The following THBS4 variants were observed in gnomAD, a reference collection of about 807,000 sequenced individuals.
THBS4 encodes the protein thrombospondin 4.
A neutral mutation model predicts 115.7 loss-of-function variants in THBS4; 90 were observed. The ratio of observed to expected loss-of-function variants is 0.78; its 90% CI spans 0.66 to 0.93. The LOEUF (loss-of-function observed/expected upper bound fraction) is 0.93. Among genes scored for constraint, THBS4 ranks in the 40% least tolerant of loss-of-function variants. The probability of loss-of-function intolerance (pLI) is 0.00; values close to 1 mark genes in which losing one functional copy is unlikely to be tolerated. For synonymous variants in THBS4, 460 were observed against 479.3 expected (o/e 0.96, Z 0.53); for missense variants, 1,087 against 1,232.7 (o/e 0.88, Z 1.77).
chr5:80,072,622 G>A (rs1173100093), intron 14 of THBS4: 2 of 531,128 alleles, frequency 3.8e-6, no homozygotes, highest in East Asian at 2.9e-5. Flanking sequence ...TTGCCTGTGA[G>A]GTTAGTAACA....
intron 2 of THBS4, among the ~76,000 whole-genome samples, chr5:80,007,178 C>T (rs775093231): frequency 1.3e-5 from 2 of 152,174 alleles, no homozygotes; most frequent in Non-Finnish European, 2.9e-5. Flanking sequence ...AGCCCATAAA[C>T]GTGCAGACCC....
intron 2 of THBS4, among the ~76,000 whole-genome samples, chr5:80,009,610 C>A (rs1832081913): frequency 6.6e-6 from 1 of 151,406 alleles, no homozygotes; most frequent in East Asian, 1.9e-4. Flanking sequence ...TTTGTGATTG[C>A]CAGATTGGAG....
Position 80,080,092 on chromosome 5 carries a change from C to CATCT in THBS4, c.2684+16_2684+19dup. The CATCT allele has an allele frequency of 1.2e-6, 2 of 1,610,340 alleles. No homozygotes were observed. The highest frequency in any genetic ancestry group is 2.2e-5 in the South Asian group (2 of 90,590). On this transcript the variant is annotated intron_variant, in intron 20 of 21. Transcript: ENST00000350881. ...GGCTACATCAGGTAGGTAGAGGCCC[C>CATCT]ATCTCCTTACCTTGCTCTAGAAGCA...
At chr5:80,051,953 T>C (rs569003155) in intron 2 of THBS4, among the ~76,000 whole-genome samples, 1 of 152,208 alleles carries the variant, frequency 6.6e-6, no homozygotes, top group South Asian at 2.1e-4. Context: ...AAATCAAGAG[T>C]TTTTGTTATA....
At chr5:80,007,488 G>A (rs1004618819) in intron 2 of THBS4, among the ~76,000 whole-genome samples, 1 of 152,190 alleles carries the variant, frequency 6.6e-6, no homozygotes, top group African/African-American at 2.4e-5. Context: ...TAGGTGGCTG[G>A]TGTTCGTGGC....
chr5:80,019,569 A>T (rs181836818), intron 2 of THBS4: 1 of 152,486 alleles, frequency 6.6e-6, no homozygotes, highest in African/African-American at 2.4e-5. Flanking sequence ...TGTGCTTATA[A>T]CTGGCTTTCA....
chr5:79,991,356 G>C (rs921591315), exon 1 of THBS4: 8 of 876,624 alleles, frequency 9.1e-6, no homozygotes, highest in African/African-American at 5.1e-5. Context: ...TGAGAGATGA[G>C]AGAAACAACG....
intron 1 of THBS4, among the ~76,000 whole-genome samples, chr5:79,991,849 GT>G (rs1305806691): frequency 6.6e-6 from 1 of 152,202 alleles, no homozygotes; most frequent in Non-Finnish European, 1.5e-5. Flanking sequence ...TCCCTGTGAT[GT>G]TTTTACAAAG....
At chr5:80,078,361 C>T (rs1160276955) in intron 17 of THBS4, 134 bp downstream of exon 17, 9 of 673,118 alleles carry the variant, frequency 1.3e-5, no homozygotes, top group Non-Finnish European at 2.0e-5. Flanking sequence ...CCTCAACAGC[C>T]CTATGACAGA....
chr5:80,041,395 G>A (rs973838096), intron 2 of THBS4, among the ~76,000 whole-genome samples: 6 of 152,102 alleles, frequency 3.9e-5, no homozygotes, highest in Admixed American at 1.3e-4. Context: ...TTGATGGGGC[G>A]GGAGGAAGGG....
At chr5:80,080,311 C>T (rs1743423777) in intron 20 of THBS4, 2 of 519,018 alleles carry the variant, frequency 3.9e-6, no homozygotes, top group South Asian at 2.4e-5. Flanking sequence ...AGGAGCAGAG[C>T]TGAGGGGACG....
intron 2 of THBS4, among the ~76,000 whole-genome samples, chr5:80,018,392 T>C (rs949859414): frequency 4.9e-5 from 7 of 144,318 alleles, no homozygotes; most frequent in Non-Finnish European, 1.1e-4. Flanking sequence ...AAATATACTT[T>C]TTTTTTTTTT....
upstream of THBS4, chr5:80,033,263 A>G (rs1482029536): frequency 1.5e-5 from 6 of 391,490 alleles, no homozygotes; most frequent in South Asian, 6.8e-5. Flanking sequence ...GTGCCCTCCA[A>G]CACATCTACC....
Position 80,058,292 on chromosome 5 carries a change from G to A in THBS4, c.627G>A (p.Glu209=), listed in dbSNP as rs371994441. 3.5e-5 allele frequency: 55 copies of A among 1,563,092 alleles called. No homozygotes were observed. The African/African-American group carries it at 6.6e-4, about 19-fold the overall frequency. Residue 209 remains glutamate (E), a synonymous_variant, in exon 4 of 22, where the codon GAG becomes GAA. Coordinates refer to ENST00000350881, the MANE Select transcript of THBS4 (RefSeq NM_003248.6). ...SLQDCFLQQS[E]PLAATGTGDF... Reference sequence around the variant, plus strand: ...AAGACTGCTTCCTGCAGCAGAGTGAGCCACTGGCTGCCACAGGCACAGGTG... The same window carrying A: ...AAGACTGCTTCCTGCAGCAGAGTGAACCACTGGCTGCCACAGGCACAGGTG...
intron 2 of THBS4, among the ~76,000 whole-genome samples, chr5:80,011,157 T>C (rs1832117256): frequency 6.6e-6 from 1 of 152,204 alleles, no homozygotes; most frequent in African/African-American, 2.4e-5. Context: ...ACACTTTCTC[T>C]CTTTGCCTGC....
At chr5:80,082,263 A>G (rs1316916913) in intron 20 of THBS4, 143 bp from the exon 21 acceptor site, 2 of 1,133,208 alleles carry the variant, frequency 1.8e-6, no homozygotes, top group Non-Finnish European at 1.3e-6. Context: ...CTACAGTACA[A>G]TCCAGGTCAG....
At position 80,035,696 on chromosome 5, in the gene THBS4, C is replaced by G; in HGVS notation, c.88+71C>G. On this transcript the variant is annotated intron_variant, in intron 1 of 21. Coordinates refer to ENST00000350881, the MANE Select transcript of THBS4 (RefSeq NM_003248.6). The surrounding 1 kb of genome is among the most constrained non-coding windows in gnomAD (Gnocchi z 4.6). ...CCCATCTGCTGAGTGAGTGGAGGGA[C>G]TTGCTCGGCCCTGTGCTCCTGTGGC... The G allele has an allele frequency of 9.0e-7, 1 of 1,106,034 alleles. No homozygotes were observed. Among genetic ancestry groups the G allele is most frequent in the Non-Finnish European group, 1.2e-6 (1 of 856,878 alleles). 68.5% of individuals were successfully genotyped at this position (1,106,034 alleles called of 1,614,324 possible).
At chr5:80,027,172 C>A (rs1016423682) in intron 2 of THBS4, among the ~76,000 whole-genome samples, 1 of 152,186 alleles carries the variant, frequency 6.6e-6, no homozygotes, top group African/African-American at 2.4e-5. Context: ...ACTTTTCCAC[C>A]TTCCTGGCAA....
intron 1 of THBS4, among the ~76,000 whole-genome samples, chr5:79,994,778 C>T (rs189656329): frequency 1.6e-4 from 25 of 152,312 alleles, no homozygotes; most frequent in Admixed American, 1.6e-3. Flanking sequence ...AACTTATGTT[C>T]AAGCTTTTAG....
Sources: allele counts gnomAD v4.1 joint callset (sites outside exome capture counted in the v4.1 genomes callset), GRCh38; gene constraint gnomAD v4.1.1; non-coding constraint Gnocchi (gnomAD v3.1); transcripts MANE v1.5; gene names NCBI Gene and HGNC (gene_info 2026-07-23, HGNC 2026-07-21).